Variants in RANBP3L observed in about 807,000 individuals in gnomAD.
RANBP3L encodes the protein ran-binding protein 3-like.
RANBP3L carries 56 observed loss-of-function variants against 67.2 expected under a neutral mutation model. The ratio of observed to expected loss-of-function variants is 0.83; its 90% CI spans 0.67 to 1.04. The LOEUF (loss-of-function observed/expected upper bound fraction) is 1.04, where lower values mean the gene tolerates loss of function less well. Among genes scored for constraint, RANBP3L ranks in the 50% least tolerant of loss-of-function variants. The probability of loss-of-function intolerance (pLI) is 0.00; values close to 1 mark genes in which losing one functional copy is unlikely to be tolerated. For missense variants in RANBP3L, 496 were observed against 535.5 expected, an observed-to-expected ratio of 0.93 and a Z score of 0.73; for synonymous variants, 164 against 181.4, an observed-to-expected ratio of 0.90 and a Z score of 0.77.
chr5:36,267,430 C>T (rs1316121658), intron 4 of RANBP3L, among the ~76,000 whole-genome samples: 1 of 151,978 alleles, frequency 6.6e-6, no homozygotes, highest in East Asian at 1.9e-4. Context: ...GTCACTTAAA[C>T]CCGGGAGGCA....
intron 1 of RANBP3L, among the ~76,000 whole-genome samples, chr5:36,298,367 G>A (rs946033647): frequency 6.6e-5 from 10 of 151,678 alleles, no homozygotes; most frequent in African/African-American, 9.7e-5. Flanking sequence ...CAGAAGTGTC[G>A]AATGTCAATT....
intron 1 of RANBP3L, among the ~76,000 whole-genome samples, chr5:36,296,260 A>G (rs1256900824): frequency 1.3e-5 from 2 of 152,158 alleles, no homozygotes; most frequent in Non-Finnish European, 2.9e-5. Context: ...TCCTGGCAGA[A>G]GTGCAGATTG....
At chr5:36,285,757 G>A (rs925190030) in intron 1 of RANBP3L, among the ~76,000 whole-genome samples, 1 of 152,126 alleles carries the variant, frequency 6.6e-6, no homozygotes, top group African/African-American at 2.4e-5. Context: ...TTATTACAAG[G>A]TTGTCATCTT....
At chr5:36,250,993 AT>A (rs1748548839) in intron 13 of RANBP3L, among the ~76,000 whole-genome samples, 1 of 152,126 alleles carries the variant, frequency 6.6e-6, no homozygotes, top group African/African-American at 2.4e-5. Flanking sequence ...TCTTCCTAGT[AT>A]AGCCAATAAT....
At chr5:36,258,447 A>G (rs1462047778) in intron 8 of RANBP3L, among the ~76,000 whole-genome samples, 1 of 152,210 alleles carries the variant, frequency 6.6e-6, no homozygotes. Flanking sequence ...AAACTGAGGC[A>G]CAGAAAGTTT....
intron 1 of RANBP3L, among the ~76,000 whole-genome samples, chr5:36,293,378 T>C (rs1478418880): frequency 7.6e-6 from 1 of 131,644 alleles, no homozygotes; most frequent in Non-Finnish European, 1.6e-5. Flanking sequence ...CTTTTCCTAA[T>C]TGAATACCCT....
At chr5:36,276,941 C>T (rs931700009) in intron 1 of RANBP3L, among the ~76,000 whole-genome samples, 1 of 152,164 alleles carries the variant, frequency 6.6e-6, no homozygotes, top group Non-Finnish European at 1.5e-5. Context: ...CTCTTCTTTC[C>T]ACTTGGTAGT....
intron 1 of RANBP3L, among the ~76,000 whole-genome samples, chr5:36,300,095 TA>T (rs1752512378): frequency 6.6e-6 from 1 of 152,204 alleles, no homozygotes; most frequent in African/African-American, 2.4e-5. Flanking sequence ...GAAGTCACTT[TA>T]ACATTTCATA....
At chr5:36,272,003 T>C (rs1168701041) in intron 1 of RANBP3L, among the ~76,000 whole-genome samples, 2 of 152,262 alleles carry the variant, frequency 1.3e-5, no homozygotes, top group East Asian at 3.9e-4. Flanking sequence ...AGAAATACTA[T>C]GTGGTAGTTA....
At chr5:36,272,036 T>A (rs1407203871) in intron 1 of RANBP3L, among the ~76,000 whole-genome samples, 1 of 152,146 alleles carries the variant, frequency 6.6e-6, no homozygotes, top group Non-Finnish European at 1.5e-5. Context: ...CTGAAGTTAG[T>A]TTAGATAGGC....
At chr5:36,286,261 C>T (rs1751319692) in intron 1 of RANBP3L, among the ~76,000 whole-genome samples, 1 of 152,114 alleles carries the variant, frequency 6.6e-6, no homozygotes, top group Non-Finnish European at 1.5e-5. Flanking sequence ...TTATTTCTAG[C>T]TCCCCAAAAG....
chr5:36,284,167 C>T (rs945814678), intron 1 of RANBP3L, among the ~76,000 whole-genome samples: 2 of 152,134 alleles, frequency 1.3e-5, no homozygotes, highest in Non-Finnish European at 2.9e-5. Context: ...CACAGACATA[C>T]ATTTTATGTT....
intron 1 of RANBP3L, among the ~76,000 whole-genome samples, chr5:36,289,625 G>A (rs1368948715): frequency 2.0e-5 from 3 of 151,964 alleles, no homozygotes; most frequent in East Asian, 1.9e-4. Context: ...AAATTAATCC[G>A]TATTTCCTTT....
At chr5:36,277,781 C>T (rs1019413988) in intron 1 of RANBP3L, among the ~76,000 whole-genome samples, 5 of 152,028 alleles carry the variant, frequency 3.3e-5, no homozygotes, top group Admixed American at 2.0e-4. Flanking sequence ...TCTGTTCTCA[C>T]GCTGTTGATA....
chr5:36,261,534 T>C (rs1281438758), intron 7 of RANBP3L, among the ~76,000 whole-genome samples: 1 of 152,174 alleles, frequency 6.6e-6, no homozygotes, highest in African/African-American at 2.4e-5. Flanking sequence ...CTAATAAATA[T>C]TGCAGATTTA....
Position 36,262,030 on chromosome 5 carries a change from T to C in RANBP3L, c.493A>G (p.Asn165Asp), listed in dbSNP as rs2111768829. 1 of 1,575,532 alleles carries C rather than the reference T, an allele frequency of 6.3e-7. No homozygotes were observed. Among genetic ancestry groups the C allele is most frequent in the South Asian group, 1.1e-5 (1 of 89,574 alleles). ...AAATTTTCACTTAACAAATAGGAAT[T>C]TCCCTCAGAAATCTGAAAGTAAAGA... ...EKTNNKISEGNSYLLSENLSR... is the reference protein window; with the variant it reads ...EKTNNKISEGDSYLLSENLSR... The change falls in exon 7 of 14, where the codon AAT becomes GAT. Residue 165 changes from asparagine to aspartate, a missense_variant. By Grantham distance (23) the Asn-to-Asp change is conservative (BLOSUM62 1). Transcript: ENST00000296604.
chr5:36,261,388 G>A (rs563010318), intron 7 of RANBP3L, among the ~76,000 whole-genome samples: 6 of 152,032 alleles, frequency 3.9e-5, no homozygotes, highest in Non-Finnish European at 8.8e-5. Flanking sequence ...ATGTGCTCAG[G>A]GTTCGGCATT....
chr5:36,294,900 TG>T (rs1450623496), intron 1 of RANBP3L, among the ~76,000 whole-genome samples: 1 of 148,536 alleles, frequency 6.7e-6, no homozygotes, highest in Admixed American at 6.8e-5. Flanking sequence ...TATACATATA[TG>T]TGTGTATATA....
intron 1 of RANBP3L, among the ~76,000 whole-genome samples, chr5:36,289,315 C>T (rs1325566964): frequency 6.6e-6 from 1 of 152,100 alleles, no homozygotes; most frequent in Non-Finnish European, 1.5e-5. Flanking sequence ...TTATTATAGC[C>T]TGAAATCCAA....
Sources: gnomAD v4.1 joint callset for allele counts (sites outside exome capture counted in the v4.1 genomes callset) on GRCh38, gnomAD v4.1.1 for gene constraint, MANE v1.5 for transcripts, NCBI Gene and HGNC (gene_info 2026-07-23, HGNC 2026-07-21) for gene names.